CHRNB4: variants seen among roughly 807,000 people sequenced by gnomAD.
CHRNB4 encodes the protein neuronal acetylcholine receptor subunit beta-4.
Under a neutral mutation model 40.4 loss-of-function variants are expected in CHRNB4, and 23 were observed. The ratio of observed to expected loss-of-function variants is 0.57; its 90% CI spans 0.41 to 0.81. The LOEUF is 0.81. CHRNB4 is among the 30% of genes least tolerant of loss of function. The pLI is 0.00. For synonymous variants in CHRNB4, 285 were observed against 274.4 expected (o/e 1.04, Z -0.38); for missense variants, 568 against 670.6 (o/e 0.85, Z 1.69).
chr15:78,642,162 C>T (rs1029063079), upstream of CHRNB4, among the ~76,000 whole-genome samples: 1 of 152,206 alleles, frequency 6.6e-6, no homozygotes, highest in African/African-American at 2.4e-5. Context: ...TTGCTCCCCC[C>T]ACGTCATTTT....
intron 7 of CHRNB4, among the ~76,000 whole-genome samples, chr15:78,647,312 T>C (rs1249635507): frequency 6.6e-6 from 1 of 151,806 alleles, no homozygotes; most frequent in African/African-American, 2.4e-5. Flanking sequence ...ATCTAGAATA[T>C]TTAAGGAATT....
intron 6 of CHRNB4, among the ~76,000 whole-genome samples, chr15:78,652,368 G>A (rs921326942): frequency 6.6e-6 from 1 of 152,258 alleles, no homozygotes; most frequent in East Asian, 1.9e-4. Flanking sequence ...AGCAGCTGAG[G>A]CCACAGAGCC....
intron 2 of CHRNB4, among the ~76,000 whole-genome samples, chr15:78,657,622 C>T (rs529297103): frequency 7.9e-4 from 119 of 151,474 alleles, no homozygotes; most frequent in African/African-American, 2.7e-3. Flanking sequence ...GGCACGATCT[C>T]GGCTCACTGC....
chr15:78,632,492 G>C (rs544258773), intron 2 of CHRNB4, among the ~76,000 whole-genome samples: 1 of 151,910 alleles, frequency 6.6e-6, no homozygotes, highest in South Asian at 2.1e-4. Context: ...AAAATTTTTT[G>C]TGGAGATGGG....
chr15:78,635,427 C>G lies in CHRNB4; in HGVS notation c.204+12G>C, dbSNP rs1016645699. 6.2e-7 allele frequency: 1 copy of G among 1,612,874 alleles called. No individual in the cohort carries two copies. ...CACCTGAGCCTGAGCCACAGCTGCC[C>G]TCTGCACCTACCACGCTGATAAGCT... is the stretch of plus-strand genomic sequence containing the variant. On this transcript the variant is annotated intron_variant, in intron 2 of 5. Coordinates refer to ENST00000261751, the MANE Select transcript of CHRNB4 (RefSeq NM_000750.5).
intron 7 of CHRNB4, among the ~76,000 whole-genome samples, chr15:78,646,430 A>G (rs2054123806): frequency 6.6e-6 from 1 of 152,238 alleles, no homozygotes; most frequent in Admixed American, 6.5e-5. Flanking sequence ...AAGCAAACAT[A>G]GGAGGATATC....
upstream of CHRNB4, among the ~76,000 whole-genome samples, chr15:78,646,066 A>AG (rs961919524): frequency 2.0e-5 from 3 of 152,016 alleles, no homozygotes; most frequent in South Asian, 6.3e-4. Context: ...TCAAAAAAAA[A>AG]AAAAAAATGA....
chr15:78,661,194 C>CG, upstream of CHRNB4: 3 of 611,964 alleles, frequency 4.9e-6, no homozygotes, highest in Non-Finnish European at 9.5e-6. Context: ...AACCAAAGAG[C>CG]GGAATGGTGC....
intron 5 of CHRNB4, chr15:78,628,240 G>A (rs1379907000): frequency 2.6e-5 from 4 of 152,186 alleles, no homozygotes. Flanking sequence ...GGTAATCATA[G>A]TATTTTTACT....
At position 78,625,176 on chromosome 15, in the gene CHRNB4, G is replaced by A. The variant is rs1358244088; in HGVS notation, c.1454C>T (p.Thr485Ile). The change falls in exon 6 of 6, where the codon ACC (threonine) becomes ATC (isoleucine). Residue 485 changes from threonine (T) to isoleucine (I), a missense_variant. Physicochemically the swap from Thr to Ile is moderately conservative, Grantham distance 89. Transcript: ENST00000261751. ...GTAGGGCCCCTCAGAAGCTGCATGG[G>A]TCTGGAAGAGGGGCGGTAGGAAGAG... ...VGLFLPPLFQTHAASEGPYAA... is the reference protein window; with the variant it reads ...VGLFLPPLFQIHAASEGPYAA... 3 of 1,612,620 alleles carry A rather than the reference G, an allele frequency of 1.9e-6. No individual in the cohort carries two copies. The highest frequency in any genetic ancestry group is 2.2e-5 in the East Asian group (1 of 44,872).
chr15:78,631,698 A>G (rs57094388), intron 2 of CHRNB4, among the ~76,000 whole-genome samples: 11,015 of 152,164 alleles, frequency 0.072, 1,363 homozygotes, highest in African/African-American at 0.25. Context: ...CGCCACCATC[A>G]TCTGTCACTT....
At chr15:78,631,224 C>T (rs377516897) in intron 3 of CHRNB4, 39 bp from the exon 4 acceptor site, 1 of 1,612,904 alleles carries the variant, frequency 6.2e-7, no homozygotes, top group African/African-American at 1.3e-5. Context: ...TGCAGGTCCA[C>T]TGCCACCAAA....
chr15:78,637,129 G>A (rs2053968769), intron 1 of CHRNB4, among the ~76,000 whole-genome samples: 1 of 152,194 alleles, frequency 6.6e-6, no homozygotes, highest in East Asian at 1.9e-4. Flanking sequence ...TTAGCTCAGA[G>A]CCATATTCAA....
intron 1 of CHRNB4, among the ~76,000 whole-genome samples, chr15:78,660,112 C>T (rs1348574463): frequency 6.6e-6 from 1 of 151,084 alleles, no homozygotes; most frequent in Non-Finnish European, 1.5e-5. Flanking sequence ...GAGGCTAAGG[C>T]AGAAAAATTG....
intron 5 of CHRNB4, among the ~76,000 whole-genome samples, chr15:78,653,076 AG>A (rs148557460): frequency 6.6e-6 from 1 of 152,184 alleles, no homozygotes; most frequent in African/African-American, 2.4e-5. Context: ...GGATAATGAA[AG>A]CCTCAGCAGA....
chr15:78,634,483 G>A (rs2053903991), intron 2 of CHRNB4: 1 of 323,906 alleles, frequency 3.1e-6, no homozygotes, highest in Non-Finnish European at 6.2e-6. Context: ...TCCCCATCCT[G>A]GGGCTGTGCG....
At chr15:78,634,674 C>G in intron 2 of CHRNB4, 1 of 455,502 alleles carries the variant, frequency 2.2e-6, no homozygotes, top group South Asian at 1.6e-5. Context: ...TGGCTGGACA[C>G]AGCGCCCTGC....
At chr15:78,646,901 G>C (rs2054127525) in intron 7 of CHRNB4, among the ~76,000 whole-genome samples, 1 of 152,220 alleles carries the variant, frequency 6.6e-6, no homozygotes, top group Non-Finnish European at 1.5e-5. Flanking sequence ...AGCATTTTGG[G>C]AGGCTGAAGC....
At chr15:78,626,944 G>C (rs2053672618) in intron 5 of CHRNB4, 1 of 152,258 alleles carries the variant, frequency 6.6e-6, no homozygotes, top group Admixed American at 6.5e-5. Flanking sequence ...GTTCAGGGTG[G>C]GTGCCGGCTC....
Sources: gnomAD v4.1 joint callset for allele counts (sites outside exome capture counted in the v4.1 genomes callset) on GRCh38, gnomAD v4.1.1 for gene constraint, MANE v1.5 for transcripts, NCBI Gene and HGNC (gene_info 2026-07-23, HGNC 2026-07-21) for gene names.